ZNF600: variants seen among roughly 807,000 people sequenced by gnomAD.
The protein encoded by ZNF600 is zinc finger protein 600.
In ZNF600, 4 loss-of-function variants were observed where a neutral mutation model predicts 7.3. The observed-to-expected ratio is 0.55, with a 90% CI of 0.27 to 1.25. The LOEUF is 1.25. Among genes scored for constraint, ZNF600 ranks in the 50% most tolerant of loss-of-function variants. ZNF600 has a pLI of 0.12. For synonymous variants in ZNF600, 290 were observed against 308.9 expected, an observed-to-expected ratio of 0.94 and a Z score of 0.64; for missense variants, 911 against 922.1, an observed-to-expected ratio of 0.99 and a Z score of 0.16.
At chr19:52,803,978 T>C in the ZNF600 span, among the ~76,000 whole-genome samples, 1 of 152,070 alleles carries the variant, frequency 6.6e-6, no homozygotes, top group African/African-American at 2.4e-5. Context: ...ATAAGATAAA[T>C]AACTACTTCT....
At chr19:52,808,059 C>T in the ZNF600 span, 1 of 1,613,580 alleles carries the variant, frequency 6.2e-7, no homozygotes, top group Non-Finnish European at 8.5e-7. Flanking sequence ...TGTAAAGAGT[C>T]CTCTGAGCAG....
At chr19:52,832,306 C>T in the ZNF600 span, among the ~76,000 whole-genome samples, 1 of 152,108 alleles carries the variant, frequency 6.6e-6, no homozygotes, top group Non-Finnish European at 1.5e-5. Flanking sequence ...ATTAAAACTG[C>T]AGAGACAGGC....
At position 52,766,280 on chromosome 19, in the gene ZNF600, A is replaced by G. The variant is rs149684999; in HGVS notation, c.1683T>C (p.His561=). The change falls in exon 4 of 4, where the codon CAT becomes CAC. Residue 561 remains histidine (H), a synonymous_variant. Transcript: ENST00000648973. ...TACACTTGTAAGGTTTCTCTCCACT[A>G]TGAATTCTAGTATGTTTTGCCAGAT... is the stretch of plus-strand genomic sequence containing the variant. The G allele has an allele frequency of 7.9e-5, 128 of 1,613,426 alleles. 1 individual carries two copies. Among genetic ancestry groups the G allele is most frequent in the Middle Eastern group, 6.6e-4 (4 of 6,080 alleles).
chr19:52,809,132 TG>T, the ZNF600 span, among the ~76,000 whole-genome samples: 2 of 152,192 alleles, frequency 1.3e-5, no homozygotes, highest in African/African-American at 4.8e-5. Flanking sequence ...AAAGGACACT[TG>T]GGCAGTTGCG....
chr19:52,800,273 CAT>C, the ZNF600 span: 4 of 1,613,312 alleles, frequency 2.5e-6, no homozygotes, highest in African/African-American at 1.3e-5. Flanking sequence ...ATTCATTACA[CAT>C]GTATGGTTTC....
the ZNF600 span, among the ~76,000 whole-genome samples, chr19:52,795,495 C>T: frequency 6.6e-6 from 1 of 151,998 alleles, no homozygotes; most frequent in African/African-American, 2.4e-5. Context: ...TTTTTCAATA[C>T]ATATCATAGT....
chr19:52,783,972 A>T (rs922709754), intron 1 of ZNF600, among the ~76,000 whole-genome samples: 3 of 152,080 alleles, frequency 2.0e-5, no homozygotes, highest in Admixed American at 2.0e-4. Flanking sequence ...TACTCGGGGG[A>T]AGTATCACAA....
At chr19:52,785,153 G>T (rs1224127211) in intron 1 of ZNF600, among the ~76,000 whole-genome samples, 3 of 150,256 alleles carry the variant, frequency 2.0e-5, no homozygotes, top group African/African-American at 7.4e-5. Context: ...TCCTCATTTT[G>T]TACCCCTCTC....
At chr19:52,765,459 G>T in exon 4 of ZNF600, 1 of 1,367,710 alleles carries the variant, frequency 7.3e-7, no homozygotes, top group Non-Finnish European at 1.0e-6. Flanking sequence ...TCAATGAACT[G>T]CAATGTATGA....
chr19:52,816,741 G>C, the ZNF600 span, among the ~76,000 whole-genome samples: 1 of 151,786 alleles, frequency 6.6e-6, no homozygotes, highest in African/African-American at 2.4e-5. Context: ...TTGAGACAGA[G>C]AATCGCTTCA....
chr19:52,767,298 T>C (rs754044003), exon 4 of ZNF600: 19 of 1,614,196 alleles, frequency 1.2e-5, no homozygotes, highest in Non-Finnish European at 1.6e-5. Flanking sequence ...GTATACTTCC[T>C]GTTTTTGTGG....
chr19:52,776,036 T>TGC (rs1268338369), intron 2 of ZNF600, among the ~76,000 whole-genome samples: 1 of 145,790 alleles, frequency 6.9e-6, no homozygotes. Context: ...CAAAAACTGT[T>TGC]ATGATGACAG....
chr19:52,823,237 G>T, the ZNF600 span, among the ~76,000 whole-genome samples: 1 of 151,938 alleles, frequency 6.6e-6, no homozygotes, highest in African/African-American at 2.4e-5. Flanking sequence ...TTTTTGGTAC[G>T]GAGTCTTGCT....
the ZNF600 span, among the ~76,000 whole-genome samples, chr19:52,802,308 C>A: frequency 6.6e-6 from 1 of 152,114 alleles, no homozygotes; most frequent in Non-Finnish European, 1.5e-5. Flanking sequence ...GCAAAGGTTG[C>A]TGTAAGCCAA....
exon 4 of ZNF600, chr19:52,767,407 C>G (rs902428650): frequency 6.2e-7 from 1 of 1,613,996 alleles, no homozygotes; most frequent in African/African-American, 1.3e-5. Context: ...GAGGGAGCAT[C>G]ACTGGTAGAC....
chr19:52,815,944 C>T, the ZNF600 span, among the ~76,000 whole-genome samples: 11 of 147,066 alleles, frequency 7.5e-5, 1 homozygote, highest in Admixed American at 2.0e-4. Context: ...TAGCCCCAAA[C>T]GTAAAGTAAA....
exon 4 of ZNF600, chr19:52,767,465 T>C (rs1568625600): frequency 1.2e-6 from 2 of 1,614,160 alleles, no homozygotes; most frequent in African/African-American, 2.7e-5. Context: ...TTATGTGGAG[T>C]TCAGGCAGAT....
the ZNF600 span, among the ~76,000 whole-genome samples, chr19:52,823,908 C>G: frequency 6.6e-6 from 1 of 151,910 alleles, no homozygotes; most frequent in African/African-American, 2.4e-5. Flanking sequence ...CCTATAAATA[C>G]AAAAATTAGC....
the ZNF600 span, among the ~76,000 whole-genome samples, chr19:52,792,121 G>A: frequency 3.9e-5 from 6 of 152,352 alleles, no homozygotes; most frequent in South Asian, 2.1e-4. Flanking sequence ...CTCAGAGGGC[G>A]TGAGCCCAGC....
Sources: gnomAD v4.1 joint callset for allele counts (sites outside exome capture counted in the v4.1 genomes callset) on GRCh38, gnomAD v4.1.1 for gene constraint, MANE v1.5 for transcripts, NCBI Gene and HGNC (gene_info 2026-07-23, HGNC 2026-07-21) for gene names.